ARMCX6: variants seen among roughly 807,000 people sequenced by gnomAD.
ARMCX6 encodes armadillo repeat containing X-linked 6.
For missense variants in ARMCX6, 194 were observed against 186.0 expected, an observed-to-expected ratio of 1.04 and a Z score of -0.25; for synonymous variants, 85 against 70.3, an observed-to-expected ratio of 1.21 and a Z score of -1.05.
At position 101,616,299 on chromosome X, in the gene ARMCX6, C is replaced by T. The variant is rs1235061358; in HGVS notation, c.322G>A (p.Glu108Lys). The stretch of plus-strand genomic sequence containing the variant: ...TGAGCACTCCAAGTATTTTTATGTT[C>T]ATAGGGGAATGGCCGCTGTTTTATT... ...HPIKQRPFPY[E>K]HKNTWSAQNC... is the part of the protein sequence containing the mutation. The change falls in exon 3 of 3, where the codon GAA becomes AAA. Residue 108 changes from glutamate (E) to lysine (K), a missense_variant. By Grantham distance (56) the Glu-to-Lys change is moderately conservative. Coordinates refer to ENST00000361910, the MANE Select transcript of ARMCX6 (RefSeq NM_019007.4). 5.8e-6 allele frequency: 7 copies of T among 1,211,684 alleles called. No homozygotes were observed. The highest frequency in any genetic ancestry group is 3.0e-5 in the East Asian group (1 of 33,827).
At chrX:101,616,807 G>T in intron 2 of ARMCX6, 41 bp from the exon 3 acceptor site, 1 of 794,212 alleles carries the variant, frequency 1.3e-6, no homozygotes, top group Non-Finnish European at 1.7e-6. Context: ...GACTATGTTT[G>T]GCTTTGTGCC....
In ARMCX6 at chrX:101,616,490, T is replaced by A; in HGVS notation, c.131A>T (p.Glu44Val). The A allele has an allele frequency of 8.3e-7, 1 of 1,211,507 alleles. No homozygotes were observed. Among genetic ancestry groups the A allele is most frequent in the South Asian group, 1.8e-5 (1 of 56,972 alleles). ...ATCCAGCTCCTGGTCATCGTCCCAC[T>A]CCTCTTCCCCCTCCTCCTCCAGCTT... ...SEKLEEEGEEEWDDDQELDEE... is the reference protein window; with the variant it reads ...SEKLEEEGEEVWDDDQELDEE... Residue 44 changes from glutamate to valine, a missense_variant, in exon 3 of 3, where the codon GAG becomes GTG. Glu to Val is a moderately radical substitution (Grantham distance 121). Coordinates refer to ENST00000361910, the MANE Select transcript of ARMCX6 (RefSeq NM_019007.4).
Position 101,616,049 on chromosome X carries a change from T to C in ARMCX6, c.572A>G (p.Gln191Arg). The C allele has an allele frequency of 1.0e-5, 11 of 1,055,520 alleles. No homozygotes were observed. Among genetic ancestry groups the C allele is most frequent in the Non-Finnish European group, 1.4e-5 (11 of 791,460 alleles). 87.0% of individuals were successfully genotyped at this position (1,055,520 alleles called of 1,213,427 possible). A position where few individuals can be genotyped will look rare whatever the true frequency, so the allele number is the denominator to read the frequency against. Residue 191 changes from glutamine (Q) to arginine (R), a missense_variant, in exon 3 of 3, where the codon CAG becomes CGG. Coordinates refer to ENST00000361910, the MANE Select transcript of ARMCX6 (RefSeq NM_019007.4). ...PDNLNASIES[Q>R]GQIKMYINEV... is the part of the protein sequence containing the mutation. ...ATTGATGTACATCTTAATCTGGCCC[T>C]GACTTTCAATACTCGCATTTAAGTT...
intron 2 of ARMCX6, 24 bp from the exon 3 acceptor site, chrX:101,616,790 G>A: frequency 1.1e-6 from 1 of 927,638 alleles, no homozygotes; most frequent in Admixed American, 4.1e-5. Context: ...AGAGTATTAG[G>A]GCTCGGGACT....
Position 101,616,474 on chromosome X carries a change from C to T in ARMCX6, c.147G>A (p.Gln49=). ...TATCAGGCTCCTCCTCATCCAGCTC[C>T]TGGTCATCGTCCCACTCCTCTTCCC... is the stretch of plus-strand genomic sequence containing the variant. The part of the protein sequence containing the change: ...EEGEEEWDDD[Q]ELDEEEPDIW... The change falls in exon 3 of 3, where the codon CAG becomes CAA. Residue 49 remains glutamine, a synonymous_variant. Coordinates refer to ENST00000361910, the MANE Select transcript of ARMCX6 (RefSeq NM_019007.4). 4 of 1,211,831 alleles carry T rather than the reference C, an allele frequency of 3.3e-6. No individual in the cohort carries two copies. Among genetic ancestry groups the T allele is most frequent in the Non-Finnish European group, 4.5e-6 (4 of 895,463 alleles).
rs200759086 is a variant in ARMCX6, at chrX:101,615,923, G to A, written c.698C>T (p.Ala233Val). 562 of 408,468 alleles carry A rather than the reference G, an allele frequency of 1.4e-3. 1 individual carries two copies. In the East Asian group the frequency reaches 0.02, roughly 15 times the overall value. 33.7% of individuals were successfully genotyped at this position (408,468 alleles called of 1,213,427 possible). ...ISMTVINNMLAKSASDLKFPL... is the reference protein window; with the variant it reads ...ISMTVINNMLVKSASDLKFPL... Reference sequence around the variant, plus strand: ...AAACTTCAAGTCTGAAGCGGACTTGGCAAGCATGTTATTAATAACTGTCAT... The same window carrying A: ...AAACTTCAAGTCTGAAGCGGACTTGACAAGCATGTTATTAATAACTGTCAT... The change falls in exon 3 of 3, where the codon GCC becomes GTC. Residue 233 changes from alanine (A) to valine (V), a missense_variant. Physicochemically the swap from Ala to Val is moderately conservative, Grantham distance 64. Transcript: ENST00000361910.
At chrX:101,617,691 C>T (rs1304625172) in intron 1 of ARMCX6, 107 bp from the exon 2 acceptor site, 1 of 110,099 alleles carries the variant, frequency 9.1e-6, no homozygotes, top group Non-Finnish European at 1.9e-5. Context: ...GCCATTCACT[C>T]CCCTCACCCC....
In ARMCX6 at chrX:101,616,063, C is replaced by T. The variant is rs782079779; in HGVS notation, c.558G>A (p.Ala186=). The change falls in exon 3 of 3, where the codon GCG becomes GCA. Residue 186 remains alanine, a synonymous_variant. Transcript: ENST00000361910. ...TAATCTGGCCCTGACTTTCAATACT[C>T]GCATTTAAGTTATCCGGGGCACACA... ...EALCAPDNLN[A]SIESQGQIKM... is the part of the protein sequence containing the mutation. 119 of 1,087,150 alleles carry T rather than the reference C, an allele frequency of 1.1e-4. No homozygotes were observed. The highest frequency in any genetic ancestry group is 1.3e-4 in the Non-Finnish European group (109 of 817,828). 89.6% of individuals were successfully genotyped at this position (1,087,150 alleles called of 1,213,427 possible).
chrX:101,616,245 C>G lies in ARMCX6; in HGVS notation c.376G>C (p.Asp126His). 8.3e-7 allele frequency: 1 copy of G among 1,211,512 alleles called. No homozygotes were observed. Among genetic ancestry groups the G allele is most frequent in the Non-Finnish European group, 1.1e-6 (1 of 895,523 alleles). The change falls in exon 3 of 3, where the codon GAC becomes CAC. Residue 126 changes from aspartate (D) to histidine (H), a missense_variant. Coordinates refer to ENST00000361910, the MANE Select transcript of ARMCX6 (RefSeq NM_019007.4). Reference protein sequence around the residue: ...QNCKNGSCVLDLSKCLFIQGK... With the variant: ...QNCKNGSCVLHLSKCLFIQGK... ...TGAATGAAAAGACACTTGGAGAGGT[C>G]CAGAACACAACTGCCATTTTTACAA...
chrX:101,616,075 A>G lies in ARMCX6; in HGVS notation c.546T>C (p.Asp182=). ...PTVREALCAP[D]NLNASIESQG... is the part of the protein sequence containing the mutation. ...GACTTTCAATACTCGCATTTAAGTT[A>G]TCCGGGGCACACAAAGCCTCTCTAA... Residue 182 remains aspartate, a synonymous_variant, in exon 3 of 3, where the codon GAT becomes GAC. Coordinates refer to ENST00000361910, the MANE Select transcript of ARMCX6 (RefSeq NM_019007.4). 4 of 1,130,710 alleles carry G rather than the reference A, an allele frequency of 3.5e-6. No individual in the cohort carries two copies. The highest frequency in any genetic ancestry group is 4.7e-6 in the Non-Finnish European group (4 of 845,738). The allele number at this position is 1,130,710 out of a possible 1,213,427, so 93.2% of individuals were successfully genotyped here.
Position 101,617,974 on chromosome X carries a change from T to C in ARMCX6, c.-318A>G, listed in dbSNP as rs1455674827. The stretch of plus-strand genomic sequence containing the variant: ...CCAGACGGAGGCGACTAGCAGGACT[T>C]GTGCTCTAGGCGGCTCTTGGTCACG... On this transcript the variant is annotated 5_prime_UTR_variant, in exon 1 of 3. Transcript: ENST00000361910. 3 of 111,622 alleles carry C rather than the reference T, an allele frequency of 2.7e-5. No individual in the cohort carries two copies. Among genetic ancestry groups the C allele is most frequent in the African/African-American group, 9.8e-5 (3 of 30,684 alleles). 9.2% of individuals were successfully genotyped at this position (111,622 alleles called of 1,213,427 possible).
At chrX:101,617,620 T>A (rs1935844246) in intron 1 of ARMCX6, 36 bp from the exon 2 acceptor site, 1 of 110,174 alleles carries the variant, frequency 9.1e-6, no homozygotes, top group Non-Finnish European at 1.9e-5. Context: ...GACGGAGTGC[T>A]TGGTGGACGG....
Position 101,616,315 on chromosome X carries a change from C to T in ARMCX6, c.306G>A (p.Gln102=), listed in dbSNP as rs1290257556. The part of the protein sequence containing the change: ...GKANRAHPIK[Q]RPFPYEHKNT... ...TTTTATGTTCATAGGGGAATGGCCG[C>T]TGTTTTATTGGGTGTGCTCGGTTGG... Residue 102 remains glutamine, a synonymous_variant, in exon 3 of 3, where the codon CAG becomes CAA. Coordinates refer to ENST00000361910, the MANE Select transcript of ARMCX6 (RefSeq NM_019007.4). The T allele has an allele frequency of 3.3e-6, 4 of 1,209,630 alleles. No individual in the cohort carries two copies. The Admixed American group carries it at 8.7e-5, about 26-fold the overall frequency.
chrX:101,617,287 C>T (rs782332802), intron 2 of ARMCX6: 3 of 112,079 alleles, frequency 2.7e-5, no homozygotes, highest in Non-Finnish European at 3.8e-5. Flanking sequence ...TCATACTCTA[C>T]TGACTTTCCG....
chrX:101,617,560 C>G lies in ARMCX6; in HGVS notation c.-204G>C, dbSNP rs1490250878. The G allele has an allele frequency of 9.1e-6, 1 of 110,180 alleles. No homozygotes were observed. The highest frequency in any genetic ancestry group is 9.6e-5 in the Admixed American group (1 of 10,397). The allele number at this position is 110,180 out of a possible 1,213,427, so 9.1% of individuals were successfully genotyped here. A position where few individuals can be genotyped will look rare whatever the true frequency, so the allele number is the denominator to read the frequency against. On this transcript the variant is annotated 5_prime_UTR_variant, in exon 2 of 3. Coordinates refer to ENST00000361910, the MANE Select transcript of ARMCX6 (RefSeq NM_019007.4). ...TCTCTCGCTGAAACTTGTGCCGAAACCTACAGGCCAACAGACCTACAAACC... is the reference window on the plus strand; with the variant it reads ...TCTCTCGCTGAAACTTGTGCCGAAAGCTACAGGCCAACAGACCTACAAACC...
At position 101,616,922 on chromosome X, in the gene ARMCX6, C is replaced by A. The variant is rs1603240274; in HGVS notation, c.-146-156G>T. ...TTCCTCTATCGACCTCAGGAGCCCC[C>A]ATTTCTCTTCCTGGGTCCACAGGGA... On this transcript the variant is annotated intron_variant, in intron 2 of 2. Transcript: ENST00000361910. 2.8e-5 allele frequency: 8 copies of A among 289,547 alleles called. 1 individual carries two copies. The East Asian group carries it at 4.6e-4, about 16-fold the overall frequency. The allele number at this position is 289,547 out of a possible 1,213,427, so 23.9% of individuals were successfully genotyped here.
In ARMCX6 at chrX:101,616,701, T is replaced by C; in HGVS notation, c.-81A>G. The C allele has an allele frequency of 8.8e-7, 1 of 1,136,635 alleles. No individual in the cohort carries two copies. The allele number at this position is 1,136,635 out of a possible 1,213,427, so 93.7% of individuals were successfully genotyped here. ...TTGAAGAGGTCTCTCAGGTCCAGGG[T>C]GAGTAAGGATGGAGGGTAGCAGTCT... On this transcript the variant is annotated 5_prime_UTR_variant, in exon 3 of 3. Coordinates refer to ENST00000361910, the MANE Select transcript of ARMCX6 (RefSeq NM_019007.4).
Position 101,616,749 on chromosome X carries a change from A to T in ARMCX6, c.-129T>A. The T allele has an allele frequency of 9.3e-7, 1 of 1,070,943 alleles. No individual in the cohort carries two copies. Among genetic ancestry groups the T allele is most frequent in the Non-Finnish European group, 1.2e-6 (1 of 818,457 alleles). The allele number at this position is 1,070,943 out of a possible 1,213,427, so 88.3% of individuals were successfully genotyped here. A position where few individuals can be genotyped will look rare whatever the true frequency, so the allele number is the denominator to read the frequency against. ...TCTTCAGCTTCTTCCAGGCTCTTGT[A>T]GCTCTCTTGTGATGAATCTGTGGGT... On this transcript the variant is annotated 5_prime_UTR_variant, in exon 3 of 3. Coordinates refer to ENST00000361910, the MANE Select transcript of ARMCX6 (RefSeq NM_019007.4).
chrX:101,616,052 C>T lies in ARMCX6; in HGVS notation c.569G>A (p.Ser190Asn). The T allele has an allele frequency of 9.4e-7, 1 of 1,069,137 alleles. No individual in the cohort carries two copies. Among genetic ancestry groups the T allele is most frequent in the Non-Finnish European group, 1.2e-6 (1 of 802,461 alleles). 88.1% of individuals were successfully genotyped at this position (1,069,137 alleles called of 1,213,427 possible). ...GATGTACATCTTAATCTGGCCCTGA[C>T]TTTCAATACTCGCATTTAAGTTATC... ...APDNLNASIE[S>N]QGQIKMYINE... Residue 190 changes from serine (S) to asparagine (N), a missense_variant, in exon 3 of 3, where the codon AGT becomes AAT. Ser to Asn is a conservative substitution (Grantham distance 46, BLOSUM62 1). Coordinates refer to ENST00000361910, the MANE Select transcript of ARMCX6 (RefSeq NM_019007.4).
Sources: allele counts gnomAD v4.1 joint callset, GRCh38; gene constraint gnomAD v4.1.1; transcripts MANE v1.5; gene names NCBI Gene and HGNC (gene_info 2026-07-23, HGNC 2026-07-21).